Variants in NAALADL2 observed in about 807,000 individuals in gnomAD.
NAALADL2 encodes inactive N-acetylated-alpha-linked acidic dipeptidase-like protein 2.
In NAALADL2, 76 loss-of-function variants were observed where a neutral mutation model predicts 87.2. The observed-to-expected ratio is 0.87, with a 90% CI of 0.72 to 1.05. The LOEUF (loss-of-function observed/expected upper bound fraction) is 1.05, where lower values mean the gene tolerates loss of function less well. Ranked by LOEUF, NAALADL2 falls within the 50% of genes least tolerant of loss-of-function variation. NAALADL2 has a pLI of 0.00. For synonymous variants in NAALADL2, 354 were observed against 331.0 expected, an observed-to-expected ratio of 1.07 and a Z score of -0.75; for missense variants, 1,089 against 945.8, an observed-to-expected ratio of 1.15 and a Z score of -1.99.
intron 9 of NAALADL2, among the ~76,000 whole-genome samples, chr3:175,560,261 T>C (rs6774337): frequency 0.13 from 19,712 of 152,140 alleles, 1,377 homozygotes; most frequent in Middle Eastern, 0.17. Context: ...TAAATTTCTG[T>C]AGTATTAGTT....
intron 2 of NAALADL2, among the ~76,000 whole-genome samples, chr3:174,581,528 A>G (rs1560070329): frequency 6.6e-6 from 1 of 152,188 alleles, no homozygotes; most frequent in African/African-American, 2.4e-5. Context: ...AGTGTTGGGG[A>G]TAAAAAGAAT....
chr3:174,789,490 G>T lies in NAALADL2; in HGVS notation c.-9+51744G>T, dbSNP rs571387195. Among the ~76,000 whole-genome samples the T allele has an allele frequency of 7.2e-5, 11 of 152,272 alleles. No individual in the cohort carries two copies. In the South Asian group the frequency reaches 2.3e-3, roughly 32 times the overall value. On this transcript the variant is annotated intron_variant, in intron 3 of 3. Transcript: ENST00000434257. The stretch of plus-strand genomic sequence containing the variant: ...GTGAAAGCTTGGAACTACATCTGTG[G>T]CTCTCATCAAGAACCCTGTTGTGAA...
At chr3:174,704,752 T>C (rs1236695393) in intron 2 of NAALADL2, among the ~76,000 whole-genome samples, 2 of 152,132 alleles carry the variant, frequency 1.3e-5, no homozygotes, top group Non-Finnish European at 2.9e-5. Context: ...CATGGATTAA[T>C]TGGATAATAT....
chr3:175,271,619 C>T (rs1173465275), intron 4 of NAALADL2, among the ~76,000 whole-genome samples: 1 of 152,066 alleles, frequency 6.6e-6, no homozygotes, highest in African/African-American at 2.4e-5. Flanking sequence ...TGGTGAAACC[C>T]CATTTCTACT....
At chr3:174,761,355 CAG>C (rs1470143740) in intron 3 of NAALADL2, among the ~76,000 whole-genome samples, 2 of 151,544 alleles carry the variant, frequency 1.3e-5, no homozygotes, top group African/African-American at 4.8e-5. Context: ...AACTAGAAAA[CAG>C]AAAGCTATTT....
intron 1 of NAALADL2, among the ~76,000 whole-genome samples, chr3:174,517,208 GGTT>G (rs1355755761): frequency 6.6e-6 from 1 of 151,844 alleles, no homozygotes; most frequent in Admixed American, 6.6e-5. Flanking sequence ...AGGTTTTGGG[GGTT>G]GTTGCTATTT....
At chr3:175,597,413 G>A (rs1165519045) in intron 10 of NAALADL2, among the ~76,000 whole-genome samples, 1 of 152,002 alleles carries the variant, frequency 6.6e-6, no homozygotes, top group Non-Finnish European at 1.5e-5. Context: ...ATTTGTAGAA[G>A]TGTGGTTTTA....
chr3:175,493,891 T>C (rs549246808), intron 9 of NAALADL2, among the ~76,000 whole-genome samples: 1 of 152,282 alleles, frequency 6.6e-6, no homozygotes, highest in South Asian at 2.1e-4. Flanking sequence ...CTTATTTCCC[T>C]AGGAGCTGGG....
intron 11 of NAALADL2, among the ~76,000 whole-genome samples, chr3:175,642,582 G>T (rs1729443733): frequency 6.7e-6 from 1 of 150,344 alleles, no homozygotes; most frequent in East Asian, 2.0e-4. Context: ...CTCACTGCAA[G>T]CTCCACCTTC....
At chr3:175,119,897 T>C (rs1024146767) in intron 2 of NAALADL2, among the ~76,000 whole-genome samples, 8 of 147,330 alleles carry the variant, frequency 5.4e-5, no homozygotes, top group Non-Finnish European at 9.0e-5. Flanking sequence ...CATATATATA[T>C]ATATAAAGAA....
intron 2 of NAALADL2, among the ~76,000 whole-genome samples, chr3:174,591,500 A>T (rs1004981778): frequency 6.6e-6 from 1 of 152,144 alleles, no homozygotes; most frequent in Non-Finnish European, 1.5e-5. Flanking sequence ...TGAAGTTGGT[A>T]GCACGCCTGA....
chr3:175,470,828 GT>G (rs949707020), intron 8 of NAALADL2, among the ~76,000 whole-genome samples: 5 of 151,906 alleles, frequency 3.3e-5, no homozygotes, highest in African/African-American at 9.7e-5. Context: ...AATGCATCAG[GT>G]TTTTTTTAAG....
intron 5 of NAALADL2, among the ~76,000 whole-genome samples, chr3:175,343,114 A>G (rs1038743597): frequency 6.6e-6 from 1 of 152,076 alleles, no homozygotes; most frequent in African/African-American, 2.4e-5. Flanking sequence ...ATAACTTTCA[A>G]AGCAGTATAT....
Position 174,925,873 on chromosome 3 carries a change from T to C in NAALADL2, c.43+66423T>C, listed in dbSNP as rs147342346. On this transcript the variant is annotated intron_variant, in intron 1 of 13. Transcript: ENST00000454872. ...CTGGATGGAGAATGACTTTGACGAG[T>C]TGAGAGAAGAAGTCTTCAGATGATC... 1.2e-3 allele frequency among the ~76,000 whole-genome samples: 180 copies of C among 152,124 alleles called. 2 individuals are homozygous for C. The highest frequency in any genetic ancestry group is 4.7e-3 in the Admixed American group (72 of 15,246).
chr3:174,868,360 A>G (rs964638166), intron 1 of NAALADL2, among the ~76,000 whole-genome samples: 2 of 152,132 alleles, frequency 1.3e-5, no homozygotes, highest in Admixed American at 1.3e-4. Context: ...ATATTTGTAT[A>G]TATTAGGCAT....
intron 1 of NAALADL2, among the ~76,000 whole-genome samples, chr3:174,955,102 G>C (rs1740958225): frequency 6.6e-6 from 1 of 152,068 alleles, no homozygotes. Flanking sequence ...AGATTGAAAT[G>C]GCTATCCAAG....
intron 3 of NAALADL2, among the ~76,000 whole-genome samples, chr3:174,836,770 A>G (rs1042885862): frequency 2.0e-5 from 3 of 151,048 alleles, no homozygotes; most frequent in African/African-American, 7.3e-5. Context: ...TGTATATTTT[A>G]CCACAATTAA....
At chr3:175,008,412 T>C (rs980073337) in intron 1 of NAALADL2, among the ~76,000 whole-genome samples, 4 of 152,108 alleles carry the variant, frequency 2.6e-5, no homozygotes, top group African/African-American at 9.7e-5. Context: ...CAAATTGATT[T>C]CTGGAGTTTT....
chr3:175,435,261 T>C (rs915469072), intron 5 of NAALADL2, among the ~76,000 whole-genome samples: 5 of 152,038 alleles, frequency 3.3e-5, no homozygotes, highest in Admixed American at 2.6e-4. Context: ...AACACGTTAA[T>C]GACCATCATC....
Sources: allele counts gnomAD v4.1 joint callset (sites outside exome capture counted in the v4.1 genomes callset), GRCh38; gene constraint gnomAD v4.1.1; transcripts MANE v1.5; gene names NCBI Gene and HGNC (gene_info 2026-07-23, HGNC 2026-07-21).